The following PNPLA4 variants were observed in gnomAD, a reference collection of about 807,000 sequenced individuals.
PNPLA4 encodes patatin-like phospholipase domain-containing protein 4.
In PNPLA4, 15 loss-of-function variants were observed where a neutral mutation model predicts 18.3. The observed-to-expected ratio is 0.82, with a 90% CI of 0.55 to 1.26. The LOEUF (loss-of-function observed/expected upper bound fraction) is 1.26. Ranked by LOEUF, PNPLA4 falls within the 50% of genes most tolerant of loss-of-function variation. The pLI, the probability that PNPLA4 is intolerant of heterozygous loss-of-function variation, is 0.00. For missense variants in PNPLA4, 229 were observed against 196.8 expected (o/e 1.16, Z -0.98); for synonymous variants, 88 against 85.6 (o/e 1.03, Z -0.16).
intron 4 of PNPLA4, among the ~76,000 whole-genome samples, chrX:7,917,319 G>A (rs1316651662): frequency 8.9e-6 from 1 of 112,133 alleles, no homozygotes; most frequent in Non-Finnish European, 1.9e-5. Context: ...ATGCCTAAAG[G>A]TAGCAAGAAC....
At chrX:7,922,173 T>A in intron 2 of PNPLA4, 75 bp from the exon 3 acceptor site, 1 of 757,807 alleles carries the variant, frequency 1.3e-6, no homozygotes, top group Non-Finnish European at 2.0e-6. Context: ...AACTTGGGAT[T>A]CTATAGACCC....
intron 4 of PNPLA4, among the ~76,000 whole-genome samples, chrX:7,915,179 C>A (rs1200787679): frequency 5.4e-5 from 6 of 110,440 alleles, no homozygotes; most frequent in African/African-American, 1.6e-4. Context: ...TCTCACCTCA[C>A]AATATTCCCA....
At chrX:7,922,975 A>G (rs1924281010) in intron 2 of PNPLA4, among the ~76,000 whole-genome samples, 1 of 112,348 alleles carries the variant, frequency 8.9e-6, no homozygotes, top group African/African-American at 3.2e-5. Context: ...GCTCTCATTT[A>G]GTGCAAAAAA....
intron 4 of PNPLA4, among the ~76,000 whole-genome samples, chrX:7,912,694 A>G (rs1467348559): frequency 2.7e-5 from 3 of 112,490 alleles, no homozygotes; most frequent in Non-Finnish European, 5.6e-5. Flanking sequence ...CATTCCATAC[A>G]TCATGGGAAG....
At chrX:7,909,973 C>T (rs1923823850) in intron 5 of PNPLA4, among the ~76,000 whole-genome samples, 1 of 111,728 alleles carries the variant, frequency 9.0e-6, no homozygotes, top group Non-Finnish European at 1.9e-5. Context: ...AACCTGGAGC[C>T]TCTACCACCT....
At chrX:7,921,550 G>A (rs1250773777) in intron 4 of PNPLA4, among the ~76,000 whole-genome samples, 163 bp downstream of exon 4, 1 of 111,949 alleles carries the variant, frequency 8.9e-6, no homozygotes, top group Non-Finnish European at 1.9e-5. Flanking sequence ...AGGGATCCTG[G>A]CGAATACTTT....
At chrX:7,913,728 A>G (rs777599466) in intron 4 of PNPLA4, among the ~76,000 whole-genome samples, 5 of 112,873 alleles carry the variant, frequency 4.4e-5, no homozygotes, top group Non-Finnish European at 9.4e-5. Flanking sequence ...CATTAAACCA[A>G]TGGTGAGGCC....
intron 1 of PNPLA4, 53 bp downstream of exon 1, chrX:7,927,233 C>A (rs1385060950): frequency 3.5e-5 from 4 of 113,614 alleles, no homozygotes; most frequent in African/African-American, 1.3e-4. Context: ...CCGGGGTGGT[C>A]CCCGCATCAG....
chrX:7,899,232 T>C lies in PNPLA4; in HGVS notation c.*1454A>G, dbSNP rs1409068776. 1 of 111,822 alleles carries C rather than the reference T, an allele frequency of 8.9e-6. No individual in the cohort carries two copies. The highest frequency in any genetic ancestry group is 1.9e-5 in the Non-Finnish European group (1 of 53,167). 9.2% of individuals were successfully genotyped at this position (111,822 alleles called of 1,213,427 possible). On this transcript the variant is annotated 3_prime_UTR_variant, in exon 7 of 7. Transcript: ENST00000381042. The stretch of plus-strand genomic sequence containing the variant: ...TTTTGGCTTCTGAGAACCATAAAAT[T>C]GACTCAAAGAATAGTTTCAAAGAGT...
In PNPLA4 at chrX:7,900,874, C is replaced by T. The variant is rs1234718599; in HGVS notation, c.631-57G>A. ...GGATATTGCAGTACAGGTAAATATA[C>T]ACTATTTTTATAATCTAGGTTTTCT... On this transcript the variant is annotated intron_variant, in intron 6 of 6. Coordinates refer to ENST00000381042, the MANE Select transcript of PNPLA4 (RefSeq NM_004650.3). 12 of 923,475 alleles carry T rather than the reference C, an allele frequency of 1.3e-5. No individual in the cohort carries two copies. In the East Asian group the frequency reaches 2.7e-4, roughly 21 times the overall value. 76.1% of individuals were successfully genotyped at this position (923,475 alleles called of 1,213,427 possible).
rs1158161088 is a variant in PNPLA4, at chrX:7,900,750, G to T, written c.698C>A (p.Ser233Tyr). The T allele has an allele frequency of 8.4e-7, 1 of 1,194,057 alleles. No individual in the cohort carries two copies. ...GTCATCAAAACCACACTGATACAAA[G>T]ATTCCATTTTCCTCTTGCTTGGGGG... ...LFPPSKRKME[S>Y]LYQCGFDDTV... Residue 233 changes from serine to tyrosine, a missense_variant, in exon 7 of 7, where the codon TCT becomes TAT. Ser to Tyr is a moderately radical substitution (Grantham distance 144). Transcript: ENST00000381042.
In PNPLA4 at chrX:7,900,752, T is replaced by A. The variant is rs774886966; in HGVS notation, c.696A>T (p.Glu232Asp). ...CATCAAAACCACACTGATACAAAGA[T>A]TCCATTTTCCTCTTGCTTGGGGGAA... ...ALFPPSKRKM[E>D]SLYQCGFDDT... The change falls in exon 7 of 7, where the codon GAA (glutamate) becomes GAT (aspartate). Residue 232 changes from glutamate to aspartate, a missense_variant. Physicochemically the swap from Glu to Asp is conservative, Grantham distance 45. Transcript: ENST00000381042. 2.5e-6 allele frequency: 3 copies of A among 1,194,357 alleles called. No homozygotes were observed. Among genetic ancestry groups the A allele is most frequent in the Non-Finnish European group, 3.4e-6 (3 of 880,661 alleles).
In PNPLA4 at chrX:7,910,298, T is replaced by A. The variant is rs1324328109; in HGVS notation, c.477+1730A>T. 1.9e-4 allele frequency among the ~76,000 whole-genome samples: 21 copies of A among 110,886 alleles called. No homozygotes were observed. In the Admixed American group the frequency reaches 2.0e-3, roughly 11 times the overall value. The stretch of plus-strand genomic sequence containing the variant: ...AAGACACTGATGAGGACCGATGAGA[T>A]CAGAACAGAGACACTGCCTCGATCC... On this transcript the variant is annotated intron_variant, in intron 5 of 6. Transcript: ENST00000381042.
Position 7,899,060 on chromosome X carries a change from T to C in PNPLA4, c.*1626A>G, listed in dbSNP as rs377296964. The C allele has an allele frequency of 5.4e-5, 6 of 111,799 alleles. No individual in the cohort carries two copies. The highest frequency in any genetic ancestry group is 2.0e-4 in the African/African-American group (6 of 30,688). 9.2% of individuals were successfully genotyped at this position (111,799 alleles called of 1,213,427 possible). On this transcript the variant is annotated 3_prime_UTR_variant, in exon 7 of 7. Coordinates refer to ENST00000381042, the MANE Select transcript of PNPLA4 (RefSeq NM_004650.3). ...GAATCTATCCACTTCATGTCACTTA[T>C]GGAAACAACACATTAAGATTAAACT...
At chrX:7,923,445 T>A (rs1326894515) in intron 2 of PNPLA4, among the ~76,000 whole-genome samples, 4 of 111,927 alleles carry the variant, frequency 3.6e-5, no homozygotes, top group African/African-American at 1.3e-4. Context: ...AGCATGGACA[T>A]TTTGATTTTA....
chrX:7,923,784 T>C (rs971540492), intron 2 of PNPLA4, among the ~76,000 whole-genome samples: 2 of 111,481 alleles, frequency 1.8e-5, no homozygotes, highest in Admixed American at 1.9e-4. Flanking sequence ...ACATGGGGCC[T>C]TGTGATACAT....
At chrX:7,904,864 G>T (rs1601643778) in intron 5 of PNPLA4, among the ~76,000 whole-genome samples, 1 of 109,849 alleles carries the variant, frequency 9.1e-6, no homozygotes, top group African/African-American at 3.5e-5. Context: ...CCCCGTTAGA[G>T]TTTTCCTGTG....
intron 3 of PNPLA4, 30 bp downstream of exon 3, chrX:7,921,974 G>A: frequency 8.7e-7 from 1 of 1,151,383 alleles, no homozygotes; most frequent in Non-Finnish European, 1.2e-6. Context: ...CTGTCTTCAT[G>A]TACTTTTGGG....
intron 4 of PNPLA4, among the ~76,000 whole-genome samples, chrX:7,917,195 T>A (rs991474009): frequency 1.3e-4 from 15 of 112,233 alleles, no homozygotes; most frequent in Admixed American, 1.3e-3. Flanking sequence ...ATCAAATGAG[T>A]GATTTTTCCA....
Sources: gnomAD v4.1 joint callset for allele counts (sites outside exome capture counted in the v4.1 genomes callset) on GRCh38, gnomAD v4.1.1 for gene constraint, MANE v1.5 for transcripts, NCBI Gene and HGNC (gene_info 2026-07-23, HGNC 2026-07-21) for gene names.